Variants in ADGRB2 observed in about 807,000 individuals in gnomAD.
The protein encoded by ADGRB2 is brain-specific angiogenesis inhibitor 2.
A neutral mutation model predicts 178.7 loss-of-function variants in ADGRB2; 47 were observed. The observed-to-expected ratio is 0.26, with a 90% CI of 0.21 to 0.34. The LOEUF is 0.34. Among genes scored for constraint, ADGRB2 ranks in the 10% least tolerant of loss-of-function variants. The pLI is 1.00. For missense variants in ADGRB2, 1,584 were observed against 2,180.8 expected, an observed-to-expected ratio of 0.73 and a Z score of 5.45; for synonymous variants, 870 against 912.4, an observed-to-expected ratio of 0.95 and a Z score of 0.84.
Position 31,757,396 on chromosome 1 carries a change from G to T in ADGRB2, c.-75C>A. 1.2e-6 allele frequency: 1 copy of T among 839,320 alleles called. No individual in the cohort carries two copies. The highest frequency in any genetic ancestry group is 1.9e-6 in the Non-Finnish European group (1 of 517,846). The allele number at this position is 839,320 out of a possible 1,614,324, so 52.0% of individuals were successfully genotyped here. On this transcript the variant is annotated 5_prime_UTR_variant, in exon 2 of 33. Coordinates refer to ENST00000373658, the MANE Select transcript of ADGRB2 (RefSeq NM_001364857.2). Reference sequence around the variant, plus strand: ...TTCTCACTCACTTGCTTTACTGAGAGGGAGAGAAAGGGGCGGAGTTACAGC... The same window carrying T: ...TTCTCACTCACTTGCTTTACTGAGATGGAGAGAAAGGGGCGGAGTTACAGC...
chr1:31,755,099 C>CA lies in ADGRB2; in HGVS notation c.838+899dup, dbSNP rs1646766287. The stretch of plus-strand genomic sequence containing the variant: ...CCCTGTCGGTACCAGAGCTGCAGAC[C>CA]AGACCCCAGACCTGCCTCCTTCCCA... On this transcript the variant is annotated intron_variant, in intron 4 of 32. Transcript: ENST00000373658. The surrounding 1 kb of genome is among the most constrained non-coding windows in gnomAD (Gnocchi z 5.1). Among the ~76,000 whole-genome samples the CA allele has an allele frequency of 6.6e-6, 1 of 152,182 alleles. No individual in the cohort carries two copies. The highest frequency in any genetic ancestry group is 1.5e-5 in the Non-Finnish European group (1 of 68,020).
In ADGRB2 at chr1:31,735,670, G is replaced by A. The variant is rs748311794; in HGVS notation, c.3268-5C>T. The stretch of plus-strand genomic sequence containing the variant: ...GATTCCGATGAGCATGTTCACCTGG[G>A]GGCCCAGTAGAGTGGAGTGGGGGAG... On this transcript the variant is annotated splice_region_variant and splice_polypyrimidine_tract_variant and intron_variant, in intron 23 of 32. Coordinates refer to ENST00000373658, the MANE Select transcript of ADGRB2 (RefSeq NM_001364857.2). The surrounding 1 kb of genome is among the most constrained non-coding windows in gnomAD (Gnocchi z 6.0). 1 of 1,591,130 alleles carries A rather than the reference G, an allele frequency of 6.3e-7. No homozygotes were observed. Among genetic ancestry groups the A allele is most frequent in the South Asian group, 1.1e-5 (1 of 87,974 alleles).
At chr1:31,738,458 G>T in intron 17 of ADGRB2, 129 bp downstream of exon 17, 1 of 1,530,356 alleles carries the variant, frequency 6.5e-7, no homozygotes, top group Non-Finnish European at 8.9e-7. Flanking sequence ...GGAGTCCCAG[G>T]ATACGTTCTT....
At chr1:31,751,970 G>C (rs1481750400) in intron 4 of ADGRB2, among the ~76,000 whole-genome samples, 1 of 152,122 alleles carries the variant, frequency 6.6e-6, no homozygotes, top group African/African-American at 2.4e-5. Flanking sequence ...CCTCCCCACA[G>C]CTCTGTGGAA....
In ADGRB2 at chr1:31,744,169, G is replaced by A. The variant is rs1646145424; in HGVS notation, c.1087+24C>T. On this transcript the variant is annotated intron_variant, in intron 6 of 32. Coordinates refer to ENST00000373658, the MANE Select transcript of ADGRB2 (RefSeq NM_001364857.2). The surrounding 1 kb of genome is among the most constrained non-coding windows in gnomAD (Gnocchi z 6.7). ...CAGGACCTAACCCTGCAGGCAGGTGGGGTGGGGAGGAGGATGGGCCTACCT... is the reference window on the plus strand; with the variant it reads ...CAGGACCTAACCCTGCAGGCAGGTGAGGTGGGGAGGAGGATGGGCCTACCT... 1 of 1,506,050 alleles carries A rather than the reference G, an allele frequency of 6.6e-7. No homozygotes were observed. The highest frequency in any genetic ancestry group is 1.4e-5 in the African/African-American group (1 of 71,286). 93.3% of individuals were successfully genotyped at this position (1,506,050 alleles called of 1,614,324 possible).
chr1:31,728,772 C>T lies in ADGRB2; in HGVS notation c.4381-139G>A. On this transcript the variant is annotated intron_variant, in intron 29 of 32. Transcript: ENST00000373658. This position sits in a 1 kb window ranked among gnomAD's most constrained non-coding sequence, Gnocchi z 6.7. ...CCAACCCAGGCCCAGAAGTTGCGGA[C>T]CTTCATGGGGCAGCTTTTCAGGCCT... The T allele has an allele frequency of 1.2e-6, 1 of 808,668 alleles. No homozygotes were observed. Among genetic ancestry groups the T allele is most frequent in the Admixed American group, 2.1e-5 (1 of 47,152 alleles). The allele number at this position is 808,668 out of a possible 1,614,324, so 50.1% of individuals were successfully genotyped here.
In ADGRB2 at chr1:31,740,548, G is replaced by A. The variant is rs751141886; in HGVS notation, c.1795-7C>T. 3 of 1,588,896 alleles carry A rather than the reference G, an allele frequency of 1.9e-6. No homozygotes were observed. The highest frequency in any genetic ancestry group is 2.6e-6 in the Non-Finnish European group (3 of 1,166,662). On this transcript the variant is annotated splice_region_variant and splice_polypyrimidine_tract_variant and intron_variant, in intron 11 of 32. Coordinates refer to ENST00000373658, the MANE Select transcript of ADGRB2 (RefSeq NM_001364857.2). The surrounding 1 kb of genome is among the most constrained non-coding windows in gnomAD (Gnocchi z 5.9). ...TGGCCAGGTGCTCCCTAAGCTGTAG[G>A]TGATGAGGGGGCCACAGTCACTGAA...
In ADGRB2 at chr1:31,753,950, C is replaced by T. The variant is rs2149041822; in HGVS notation, c.838+2049G>A. The stretch of plus-strand genomic sequence containing the variant: ...ATGCCACATCATCCCATGCCAACTC[C>T]CTACAGGGGCCCTCCCTAAAAAGCA... On this transcript the variant is annotated intron_variant, in intron 4 of 32. Transcript: ENST00000373658. This position sits in a 1 kb window ranked among gnomAD's most constrained non-coding sequence, Gnocchi z 4.1. 6.6e-6 allele frequency among the ~76,000 whole-genome samples: 1 copy of T among 152,336 alleles called. No individual in the cohort carries two copies.
intron 4 of ADGRB2, among the ~76,000 whole-genome samples, chr1:31,751,170 C>A (rs961659983): frequency 3.9e-5 from 6 of 152,232 alleles, no homozygotes; most frequent in Non-Finnish European, 8.8e-5. Context: ...CTCCTACCCC[C>A]GGCGTGGTTC....
At position 31,758,186 on chromosome 1, in the gene ADGRB2, G is replaced by A. The variant is rs1646928634; in HGVS notation, c.-190-675C>T. On this transcript the variant is annotated intron_variant, in intron 1 of 32. Coordinates refer to ENST00000373658, the MANE Select transcript of ADGRB2 (RefSeq NM_001364857.2). This position sits in a 1 kb window ranked among gnomAD's most constrained non-coding sequence, Gnocchi z 4.2. The stretch of plus-strand genomic sequence containing the variant: ...CACAGGATAGCTCACAGCACTGCAT[G>A]GGCCCCCTAGAGCCCAGCTGGTCCT... Among the ~76,000 whole-genome samples, 3 of 152,338 alleles carry A rather than the reference G, an allele frequency of 2.0e-5. No individual in the cohort carries two copies. The South Asian group carries it at 6.2e-4, about 32-fold the overall frequency.
intron 20 of ADGRB2, 37 bp downstream of exon 20, chr1:31,737,392 A>T: frequency 6.4e-7 from 1 of 1,571,474 alleles, no homozygotes; most frequent in Non-Finnish European, 8.8e-7. Flanking sequence ...CCTCCACCCC[A>T]CTCACACCCC....
Position 31,740,372 on chromosome 1 carries a change from T to C in ADGRB2, c.1964A>G (p.Tyr655Cys). The C allele has an allele frequency of 1.2e-6, 2 of 1,613,486 alleles. No homozygotes were observed. The highest frequency in any genetic ancestry group is 1.7e-6 in the Non-Finnish European group (2 of 1,179,642). The change falls in exon 12 of 33, where the codon TAC (tyrosine) becomes TGC (cysteine). Residue 655 changes from tyrosine to cysteine, a missense_variant. Around this residue, in one of 3 missense-constraint regions of ADGRB2, gnomAD observed 62 missense variants for 140.3 expected, o/e 0.44. Transcript: ENST00000373658. The surrounding 1 kb of genome is among the most constrained non-coding windows in gnomAD (Gnocchi z 5.9). The stretch of plus-strand genomic sequence containing the variant: ...CTGCACATCATCAGCCGAGGGCACG[T>C]AGGTGGCCCTCTTAAAGGTGTCAGT... ...NVTDTFKRAT[Y>C]VPSADDVQRF...
Position 31,730,379 on chromosome 1 carries a change from A to G in ADGRB2, c.4380+421T>C, listed in dbSNP as rs118157012. On this transcript the variant is annotated intron_variant, in intron 29 of 32. Coordinates refer to ENST00000373658, the MANE Select transcript of ADGRB2 (RefSeq NM_001364857.2). ...CTCAATCCTCAAAACGACTCCACAA[A>G]GAGACTGCTACGGTATCCCCACTTT... is the stretch of plus-strand genomic sequence containing the variant. Among the ~76,000 whole-genome samples the G allele has an allele frequency of 8.5e-5, 13 of 152,286 alleles. No individual in the cohort carries two copies. In the East Asian group the frequency reaches 2.5e-3, roughly 29 times the overall value.
Position 31,740,637 on chromosome 1 carries a change from C to T in ADGRB2, c.1795-96G>A, listed in dbSNP as rs978036021. The T allele has an allele frequency of 1.5e-4, 196 of 1,333,770 alleles. No homozygotes were observed. The highest frequency in any genetic ancestry group is 2.0e-4 in the Admixed American group (7 of 34,726). The allele number at this position is 1,333,770 out of a possible 1,614,324, so 82.6% of individuals were successfully genotyped here. ...CCAGTCCACCCACTGCTTGCATCCA[C>T]GGGGAGAGAAAGGGGGAAAAGGTCA... On this transcript the variant is annotated intron_variant, in intron 11 of 32. Coordinates refer to ENST00000373658, the MANE Select transcript of ADGRB2 (RefSeq NM_001364857.2). This position sits in a 1 kb window ranked among gnomAD's most constrained non-coding sequence, Gnocchi z 5.9.
Position 31,756,091 on chromosome 1 carries a change from T to C in ADGRB2, c.746A>G (p.Asn249Ser), listed in dbSNP as rs1646816520. The C allele has an allele frequency of 1.2e-6, 2 of 1,613,744 alleles. No homozygotes were observed. Among genetic ancestry groups the C allele is most frequent in the Admixed American group, 1.7e-5 (1 of 60,004 alleles). Residue 249 changes from asparagine (N) to serine (S), a missense_variant, in exon 4 of 33, where the codon AAT becomes AGT. Around this residue, in one of 3 missense-constraint regions of ADGRB2, gnomAD observed 657 missense variants for 847.6 expected, o/e 0.78. Coordinates refer to ENST00000373658, the MANE Select transcript of ADGRB2 (RefSeq NM_001364857.2). This position sits in a 1 kb window ranked among gnomAD's most constrained non-coding sequence, Gnocchi z 8.5. ...GGCTGGGCCCCCGGGCACCAGGGCATTGGACAGGGTGTGGGCAGCAGGAGG... is the reference window on the plus strand; with the variant it reads ...GGCTGGGCCCCCGGGCACCAGGGCACTGGACAGGGTGTGGGCAGCAGGAGG... ...PGPPAAHTLS[N>S]ALVPGGPAPP... is the part of the protein sequence containing the mutation.
At chr1:31,757,719 C>T (rs1427995311) in intron 1 of ADGRB2, among the ~76,000 whole-genome samples, 1 of 152,178 alleles carries the variant, frequency 6.6e-6, no homozygotes, top group Non-Finnish European at 1.5e-5. Flanking sequence ...TGCTACCCCA[C>T]CCCCCACTAC....
chr1:31,756,210 G>A lies in ADGRB2; in HGVS notation c.627C>T (p.Gly209=), dbSNP rs145528360. Residue 209 remains glycine (G), a synonymous_variant, in exon 4 of 33, where the codon GGC becomes GGT. Coordinates refer to ENST00000373658, the MANE Select transcript of ADGRB2 (RefSeq NM_001364857.2). This position sits in a 1 kb window ranked among gnomAD's most constrained non-coding sequence, Gnocchi z 8.5. ...GVLCRWSEEC[G]RAAGRACGFA... is the part of the protein sequence containing the mutation. The stretch of plus-strand genomic sequence containing the variant: ...AGCCGCAGGCCCTGCCGGCAGCGCG[G>A]CCACACTCCTCACTCCAGCGGCAGA... The A allele has an allele frequency of 4.0e-4, 639 of 1,613,622 alleles. No homozygotes were observed. The highest frequency in any genetic ancestry group is 4.9e-4 in the Non-Finnish European group (575 of 1,179,932).
Position 31,737,663 on chromosome 1 carries a change from G to C in ADGRB2, c.2865C>G (p.Ala955=), listed in dbSNP as rs780438738. 1 of 1,613,784 alleles carries C rather than the reference G, an allele frequency of 6.2e-7. No individual in the cohort carries two copies. Among genetic ancestry groups the C allele is most frequent in the African/African-American group, 1.3e-5 (1 of 75,036 alleles). Residue 955 remains alanine, a synonymous_variant, in exon 19 of 33, where the codon GCC becomes GCG. Transcript: ENST00000373658. ...MALLTLLAIY[A]AFWRFIKSER... The stretch of plus-strand genomic sequence containing the variant: ...GGTGTCAGACCTACCTCCAAAAGGC[G>C]GCATAGATGGCGAGCAGGGTGAGCA...
chr1:31,738,417 C>G (rs1460431128), intron 17 of ADGRB2, 91 bp from the exon 18 acceptor site: 3 of 1,579,728 alleles, frequency 1.9e-6, no homozygotes, highest in Non-Finnish European at 2.6e-6. Context: ...GCTAAATCCA[C>G]AGTAAGGCCA....
Sources: gnomAD v4.1 joint callset for allele counts (sites outside exome capture counted in the v4.1 genomes callset) on GRCh38, gnomAD v4.1.1 for gene constraint, gnomAD v4.1.1 regional missense constraint, Gnocchi (gnomAD v3.1) non-coding constraint, MANE v1.5 for transcripts, NCBI Gene and HGNC (gene_info 2026-07-23, HGNC 2026-07-21) for gene names.